The following ANXA6 variants were observed in gnomAD, a reference collection of about 807,000 sequenced individuals.
ANXA6 encodes the protein annexin A6, also known as 67 kDa calelectrin.
A neutral mutation model predicts 95.4 loss-of-function variants in ANXA6; 71 were observed. That is an observed-to-expected ratio of 0.74 (90% CI 0.61 to 0.91). The LOEUF (loss-of-function observed/expected upper bound fraction) is 0.91. Ranked by LOEUF, ANXA6 falls within the 40% of genes least tolerant of loss-of-function variation. The probability of loss-of-function intolerance (pLI) is 0.00; values close to 1 mark genes in which losing one functional copy is unlikely to be tolerated. For synonymous variants in ANXA6, 289 were observed against 315.9 expected (o/e 0.91, Z 0.90); for missense variants, 830 against 876.4 (o/e 0.95, Z 0.67).
chr5:151,105,726 T>G (rs1764678594), intron 23 of ANXA6, among the ~76,000 whole-genome samples: 1 of 152,188 alleles, frequency 6.6e-6, no homozygotes, highest in African/African-American at 2.4e-5. Context: ...AAGTGTGGTT[T>G]CCGGACCAAC....
Position 151,108,555 on chromosome 5 carries a change from C to T in ANXA6, c.1685-5G>A, listed in dbSNP as rs751075556. The T allele has an allele frequency of 4.3e-6, 7 of 1,613,536 alleles. No homozygotes were observed. In the South Asian group the frequency reaches 6.6e-5, roughly 15 times the overall value. ...TCTTGATGAACTCCTGGAAGACTGG[C>T]CACAAGAGAAGCCCCAGAGGTGGGG... On this transcript the variant is annotated splice_region_variant and splice_polypyrimidine_tract_variant and intron_variant, in intron 22 of 25. Transcript: ENST00000354546.
At position 151,117,783 on chromosome 5, in the gene ANXA6, C is replaced by T; in HGVS notation, c.1493G>A (p.Arg498Lys). 1 of 1,613,834 alleles carries T rather than the reference C, an allele frequency of 6.2e-7. No individual in the cohort carries two copies. The highest frequency in any genetic ancestry group is 2.2e-5 in the East Asian group (1 of 44,872). ...CGTGGCCAGAGAAATGAGGATCCTC[C>T]TGAAGTGGCCAGATGTGTCTGAGCT... ...ALSSDTSGHF[R>K]RILISLATGH... The change falls in exon 19 of 26, where the codon AGG becomes AAG. Residue 498 changes from arginine (R) to lysine (K), a missense_variant. Coordinates refer to ENST00000354546, the MANE Select transcript of ANXA6 (RefSeq NM_001155.5).
At chr5:151,140,277 C>A (rs769600524) in intron 2 of ANXA6, 34 bp from the exon 3 acceptor site, 1 of 1,593,074 alleles carries the variant, frequency 6.3e-7, no homozygotes, top group Non-Finnish European at 8.6e-7. Flanking sequence ...GAGCTGCCAA[C>A]CCCGGACTGA....
chr5:151,112,357 G>C (rs1478516970), intron 20 of ANXA6, among the ~76,000 whole-genome samples: 1 of 152,076 alleles, frequency 6.6e-6, no homozygotes, highest in African/African-American at 2.4e-5. Context: ...TTAAGAAACT[G>C]TCGAGACACC....
chr5:151,102,982 G>A (rs569701792), intron 25 of ANXA6, among the ~76,000 whole-genome samples: 2 of 152,142 alleles, frequency 1.3e-5, no homozygotes, highest in East Asian at 3.9e-4. Context: ...TTTATGATAT[G>A]TAAGTTTTTC....
rs774682298 is a variant in ANXA6, at chr5:151,117,730, C to T, written c.1518+28G>A. The T allele has an allele frequency of 6.9e-6, 11 of 1,602,028 alleles. No homozygotes were observed. In the East Asian group the frequency reaches 2.5e-4, roughly 36 times the overall value. The stretch of plus-strand genomic sequence containing the variant: ...CCTCCCAGGCCTCCCGATGGGCAAG[C>T]CGACCTGGGGCCCATGAATTCACTC... On this transcript the variant is annotated intron_variant, in intron 19 of 25. Transcript: ENST00000354546.
chr5:151,128,174 CACTT>C lies in ANXA6; in HGVS notation c.977+3_977+6del. The stretch of plus-strand genomic sequence containing the variant: ...GCCCTCCAGCCAGGGGCCAAGAAGC[CACTT>C]ACTCATCATCTCCCCCAGACAGCTT... On this transcript the variant is annotated splice_donor_5th_base_variant and intron_variant, in intron 13 of 25. Transcript: ENST00000354546. The C allele has an allele frequency of 6.2e-7, 1 of 1,611,502 alleles. No individual in the cohort carries two copies. The highest frequency in any genetic ancestry group is 8.5e-7 in the Non-Finnish European group (1 of 1,178,816).
chr5:151,110,592 G>T (rs376088184), intron 21 of ANXA6, 35 bp downstream of exon 21: 3 of 1,611,284 alleles, frequency 1.9e-6, no homozygotes, highest in African/African-American at 1.3e-5. Flanking sequence ...TTACTCAGAG[G>T]CCGTTAAAAC....
At chr5:151,157,108 T>A (rs934203134) in intron 1 of ANXA6, among the ~76,000 whole-genome samples, 2 of 152,056 alleles carry the variant, frequency 1.3e-5, no homozygotes, top group African/African-American at 2.4e-5. Context: ...ACTGCATTCA[T>A]AGACAAGCAG....
chr5:151,123,131 A>G (rs1765220397), intron 15 of ANXA6, 120 bp from the exon 16 acceptor site: 1 of 856,848 alleles, frequency 1.2e-6, no homozygotes, highest in Non-Finnish European at 1.9e-6. Flanking sequence ...CTAAGCGGCC[A>G]TGTGCTCCTG....
intron 13 of ANXA6, among the ~76,000 whole-genome samples, chr5:151,127,693 G>A (rs1765366542): frequency 6.6e-6 from 1 of 152,216 alleles, no homozygotes; most frequent in Non-Finnish European, 1.5e-5. Context: ...CCCCAGCACA[G>A]GACTGCTCCC....
chr5:151,138,718 G>A lies in ANXA6; in HGVS notation c.278C>T (p.Pro93Leu). 1 of 1,613,870 alleles carries A rather than the reference G, an allele frequency of 6.2e-7. No individual in the cohort carries two copies. Among genetic ancestry groups the A allele is most frequent in the Non-Finnish European group, 8.5e-7 (1 of 1,179,814 alleles). The change falls in exon 5 of 26, where the codon CCT becomes CTT. Residue 93 changes from proline to leucine, a missense_variant. Transcript: ENST00000354546. ...AATTTCTTTGGCATCACAATAGGCA[G>A]GTGGCCTCATCAGGCCCACAATCAA... The part of the protein sequence containing the change: ...ERLIVGLMRP[P>L]AYCDAKEIKD...
At chr5:151,129,697 TTTTGTTTGTTTG>T (rs35609303) in intron 11 of ANXA6, among the ~76,000 whole-genome samples, 168 bp from the exon 12 acceptor site, 4 of 149,178 alleles carry the variant, frequency 2.7e-5, no homozygotes, top group Admixed American at 1.3e-4. Flanking sequence ...CCTCTTACTG[TTTTGTTTGTTTG>T]TTTGTTTGTT....
chr5:151,149,725 C>T (rs1766062835), intron 1 of ANXA6, among the ~76,000 whole-genome samples: 1 of 151,882 alleles, frequency 6.6e-6, no homozygotes, highest in Non-Finnish European at 1.5e-5. Context: ...CCCTTGTGAT[C>T]TGCCCTCCTC....
At chr5:151,124,660 C>T (rs781526129) in intron 14 of ANXA6, among the ~76,000 whole-genome samples, 19 of 152,250 alleles carry the variant, frequency 1.2e-4, no homozygotes, top group Non-Finnish European at 2.2e-4. Flanking sequence ...CCGCCTGCCA[C>T]GGGATCTGCC....
intron 2 of ANXA6, among the ~76,000 whole-genome samples, chr5:151,147,085 A>G (rs990391986): frequency 6.6e-6 from 1 of 152,200 alleles, no homozygotes; most frequent in African/African-American, 2.4e-5. Flanking sequence ...AACAGAGCAC[A>G]GTCGAGGTCA....
rs147429690 is a variant in ANXA6 at position 151,141,948 on chromosome 5, G to A, written c.19-1705C>T. Among the ~76,000 whole-genome samples the A allele has an allele frequency of 6.1e-3, 934 of 152,264 alleles. 13 individuals are homozygous for A. The highest frequency in any genetic ancestry group is 0.021 in the African/African-American group (855 of 41,536). On this transcript the variant is annotated intron_variant, in intron 2 of 25. Transcript: ENST00000354546. ...AAATTCCTGCTGCCTTCTCCACCCC[G>A]GTGGGCAGTTTGATCCAGAAACCTC...
intron 8 of ANXA6, among the ~76,000 whole-genome samples, chr5:151,133,670 A>C (rs1251158720): frequency 1.3e-5 from 2 of 152,250 alleles, no homozygotes; most frequent in African/African-American, 4.8e-5. Flanking sequence ...TATGTGGTCC[A>C]TCATTAACCA....
chr5:151,142,077 T>TC (rs1765853591), intron 2 of ANXA6, among the ~76,000 whole-genome samples: 3 of 152,184 alleles, frequency 2.0e-5, no homozygotes, highest in Non-Finnish European at 2.9e-5. Context: ...ACAACTGGGG[T>TC]CCTCCAGGAA....
Sources: allele counts gnomAD v4.1 joint callset (sites outside exome capture counted in the v4.1 genomes callset), GRCh38; gene constraint gnomAD v4.1.1; transcripts MANE v1.5; gene names NCBI Gene and HGNC (gene_info 2026-07-23, HGNC 2026-07-21).